Variants in SLC35A3 observed in about 807,000 individuals in gnomAD.
SLC35A3 encodes the protein solute carrier family 35 member A3, also known as UDP-N-acetylglucosamine transporter.
SLC35A3 carries 26 observed loss-of-function variants against 39.0 expected under a neutral mutation model. The observed-to-expected ratio is 0.67, with a 90% CI of 0.49 to 0.92. SLC35A3 has a LOEUF of 0.92. Among genes scored for constraint, SLC35A3 ranks in the 40% least tolerant of loss-of-function variants. The pLI, the probability that SLC35A3 is intolerant of heterozygous loss-of-function variation, is 0.00. For missense variants in SLC35A3, 299 were observed against 371.6 expected (o/e 0.80, Z 1.61); for synonymous variants, 135 against 133.1 (o/e 1.01, Z -0.10).
chr1:99,982,160 A>G (rs1033862334), intron 1 of SLC35A3, among the ~76,000 whole-genome samples: 4 of 151,788 alleles, frequency 2.6e-5, no homozygotes, highest in African/African-American at 7.3e-5. Flanking sequence ...GCGCACCACC[A>G]TGTCCAGCTA....
chr1:99,978,554 A>C (rs1467053212), intron 1 of SLC35A3, among the ~76,000 whole-genome samples: 2 of 152,172 alleles, frequency 1.3e-5, no homozygotes, highest in Admixed American at 1.3e-4. Flanking sequence ...TAAGAAAATA[A>C]GAAATAAAAT....
At chr1:99,992,760 ATACT>A (rs71717351) in intron 1 of SLC35A3, among the ~76,000 whole-genome samples, 8,899 of 152,254 alleles carry the variant, frequency 0.058, 312 homozygotes, top group African/African-American at 0.1. Flanking sequence ...TATAATAAAT[ATACT>A]TACTTTGGAT....
chr1:99,984,963 TC>T (rs1657664840), intron 1 of SLC35A3, among the ~76,000 whole-genome samples: 1 of 152,236 alleles, frequency 6.6e-6, no homozygotes, highest in African/African-American at 2.4e-5. Context: ...TTGCTTGAGT[TC>T]CTTGTAGATT....
At chr1:99,976,021 C>T (rs1429704991) in intron 1 of SLC35A3, among the ~76,000 whole-genome samples, 1 of 152,160 alleles carries the variant, frequency 6.6e-6, no homozygotes, top group African/African-American at 2.4e-5. Flanking sequence ...GATCACAGCA[C>T]TGCAGTCCAG....
At chr1:99,993,050 G>T (rs76834240) in intron 1 of SLC35A3, 4,102 of 153,256 alleles carry the variant, frequency 0.027, 73 homozygotes, top group Non-Finnish European at 0.044. Flanking sequence ...CAGTTGAAAA[G>T]ATTTTATTCT....
Position 100,027,120 on chromosome 1 carries a change from G to T in SLC35A3, c.*4644G>T. The T allele has an allele frequency of 2.5e-6, 1 of 398,360 alleles. No homozygotes were observed. The allele number at this position is 398,360 out of a possible 1,614,324, so 24.7% of individuals were successfully genotyped here. A position where few individuals can be genotyped will look rare whatever the true frequency, so the allele number is the denominator to read the frequency against. ...TAGTATCTCTATCACTGTCACATGT[G>T]ATCTTTCTTCCTTTTCTCTAGCCCA... is the stretch of plus-strand genomic sequence containing the variant. On this transcript the variant is annotated 3_prime_UTR_variant, in exon 8 of 8. Transcript: ENST00000533028.
rs1658315846 is a variant in SLC35A3 at position 99,995,117 on chromosome 1, T to TTTC, written c.187+1379_187+1381dup. On this transcript the variant is annotated intron_variant, in intron 2 of 7. Coordinates refer to ENST00000533028, the MANE Select transcript of SLC35A3 (RefSeq NM_012243.3). Reference sequence around the variant, plus strand: ...GCTTTTTGTGTATTTTCTTTCTTTCTTTCTTTCTTTCTTTCTTTCTTTCTT... The same window carrying TTTC: ...GCTTTTTGTGTATTTTCTTTCTTTCTTTCTTCTTTCTTTCTTTCTTTCTTTCTT... Among the ~76,000 whole-genome samples the TTTC allele has an allele frequency of 3.0e-5, 3 of 99,492 alleles. No individual in the cohort carries two copies. The South Asian group carries it at 1.4e-3, about 47-fold the overall frequency. 65.3% of individuals were successfully genotyped at this position (99,492 alleles called of 152,430 possible).
rs1658212911 is a variant in SLC35A3 at position 99,993,548 on chromosome 1, T to C, written c.-7T>C. ...ATTTTGTTTTTCAGGCAAATGAAGA[T>C]AAAACAATGTTCGCCAACCTAAAAT... On this transcript the variant is annotated 5_prime_UTR_variant, in exon 2 of 8. Coordinates refer to ENST00000533028, the MANE Select transcript of SLC35A3 (RefSeq NM_012243.3). The C allele has an allele frequency of 1.9e-6, 3 of 1,613,798 alleles. No individual in the cohort carries two copies. Among genetic ancestry groups the C allele is most frequent in the African/African-American group, 1.3e-5 (1 of 75,028 alleles).
intron 1 of SLC35A3, among the ~76,000 whole-genome samples, chr1:99,990,443 G>T (rs142618857): frequency 0.013 from 2,044 of 152,170 alleles, 18 homozygotes; most frequent in Middle Eastern, 0.058. Flanking sequence ...GTGTGGTGGC[G>T]TGTGCTTGTA....
At position 100,034,191 on chromosome 1, in the gene SLC35A3, A is replaced by G. The variant is rs1661386367; in HGVS notation, c.*11715A>G. The G allele has an allele frequency of 6.6e-6, 1 of 151,960 alleles. No homozygotes were observed. Among genetic ancestry groups the G allele is most frequent in the African/African-American group, 2.4e-5 (1 of 41,358 alleles). 9.4% of individuals were successfully genotyped at this position (151,960 alleles called of 1,614,324 possible). ...CCTAGAGACCCAGATAATTTTTTCT[A>G]TATTATTTTATCTATGATCCTTTTT... On this transcript the variant is annotated 3_prime_UTR_variant, in exon 8 of 8. Coordinates refer to ENST00000533028, the MANE Select transcript of SLC35A3 (RefSeq NM_012243.3).
chr1:100,034,929 A>G lies in SLC35A3; in HGVS notation c.*12453A>G, dbSNP rs1048461963. The G allele has an allele frequency of 2.0e-5, 3 of 152,070 alleles. No individual in the cohort carries two copies. Among genetic ancestry groups the G allele is most frequent in the African/African-American group, 4.8e-5 (2 of 41,398 alleles). 9.4% of individuals were successfully genotyped at this position (152,070 alleles called of 1,614,324 possible). A position where few individuals can be genotyped will look rare whatever the true frequency, so the allele number is the denominator to read the frequency against. On this transcript the variant is annotated 3_prime_UTR_variant, in exon 8 of 8. Transcript: ENST00000533028. ...TTCTCATTAATTTTCAAAACTTCCA[A>G]TATCCTTCCAAATAATTCCCTTTTG...
chr1:100,015,028 C>G (rs962611486), intron 5 of SLC35A3, among the ~76,000 whole-genome samples: 13 of 151,774 alleles, frequency 8.6e-5, no homozygotes, highest in South Asian at 8.3e-4. Context: ...CGTGGTGGCA[C>G]GCGCCTGTAG....
At position 100,034,995 on chromosome 1, in the gene SLC35A3, T is replaced by C. The variant is rs1161228899; in HGVS notation, c.*12519T>C. 1 of 152,212 alleles carries C rather than the reference T, an allele frequency of 6.6e-6. No homozygotes were observed. Among genetic ancestry groups the C allele is most frequent in the African/African-American group, 2.4e-5 (1 of 41,450 alleles). The allele number at this position is 152,212 out of a possible 1,614,324, so 9.4% of individuals were successfully genotyped here. On this transcript the variant is annotated 3_prime_UTR_variant, in exon 8 of 8. Transcript: ENST00000533028. ...ACTAGTTTGTTAGCCAGTGTTAGTT[T>C]CTGTTGATCCTAACCAAAAAACCCT...
At chr1:99,994,639 A>T (rs2101140562) in intron 2 of SLC35A3, among the ~76,000 whole-genome samples, 2 of 152,336 alleles carry the variant, frequency 1.3e-5, no homozygotes, top group South Asian at 4.1e-4. Flanking sequence ...TTATGGCTGA[A>T]TAACATTCTA....
At chr1:99,991,101 A>G (rs1268924531) in intron 1 of SLC35A3, among the ~76,000 whole-genome samples, 2 of 152,196 alleles carry the variant, frequency 1.3e-5, no homozygotes, top group Non-Finnish European at 2.9e-5. Flanking sequence ...TCTGGACTAT[A>G]TTCTGTTCCA....
chr1:99,994,833 G>C (rs1658288345), intron 2 of SLC35A3, among the ~76,000 whole-genome samples: 1 of 152,118 alleles, frequency 6.6e-6, no homozygotes. Flanking sequence ...GAGTAGAATT[G>C]CTAGGTCATA....
At position 100,025,686 on chromosome 1, in the gene SLC35A3, C is replaced by A. The variant is rs541555390; in HGVS notation, c.*3210C>A. 7.9e-5 allele frequency: 12 copies of A among 152,160 alleles called. No individual in the cohort carries two copies. Among genetic ancestry groups the A allele is most frequent in the African/African-American group, 2.9e-4 (12 of 41,532 alleles). The allele number at this position is 152,160 out of a possible 1,614,324, so 9.4% of individuals were successfully genotyped here. A position where few individuals can be genotyped will look rare whatever the true frequency, so the allele number is the denominator to read the frequency against. On this transcript the variant is annotated 3_prime_UTR_variant, in exon 8 of 8. Transcript: ENST00000533028. ...TCACATATACAGATAATGCCATTTC[C>A]TTGTGTGTGTGATGTGTGTTTTGAT...
At chr1:99,970,215 C>T (rs1656718251) in intron 1 of SLC35A3, 53 bp downstream of exon 1, 1 of 205,230 alleles carries the variant, frequency 4.9e-6, no homozygotes, top group Non-Finnish European at 9.8e-6. Flanking sequence ...CTAGCGGCTG[C>T]GGGGCGGCCC....
chr1:99,986,903 A>G (rs1657771850), intron 1 of SLC35A3, among the ~76,000 whole-genome samples: 1 of 152,226 alleles, frequency 6.6e-6, no homozygotes, highest in Non-Finnish European at 1.5e-5. Context: ...TTTCACTTGA[A>G]AAGAAGTTAG....
Sources: allele counts gnomAD v4.1 joint callset (sites outside exome capture counted in the v4.1 genomes callset), GRCh38; gene constraint gnomAD v4.1.1; transcripts MANE v1.5; gene names NCBI Gene and HGNC (gene_info 2026-07-23, HGNC 2026-07-21).